The following TET2 variants were observed in gnomAD, a reference collection of about 807,000 sequenced individuals.
TET2 encodes the protein methylcytosine dioxygenase TET2.
TET2 carries 299 observed loss-of-function variants against 142.9 expected under a neutral mutation model. The ratio of observed to expected loss-of-function variants is 2.09; its 90% CI spans 1.90 to 2.30. TET2 has a LOEUF of 2.30. Among genes scored for constraint, TET2 ranks in the 30% most tolerant of loss-of-function variants. The pLI, the probability that TET2 is intolerant of heterozygous loss-of-function variation, is 0.00. For missense variants in TET2, 2,418 were observed against 2,378.0 expected (o/e 1.02, Z -0.35); for synonymous variants, 819 against 849.0 (o/e 0.96, Z 0.61).
intron 1 of TET2, among the ~76,000 whole-genome samples, chr4:105,188,962 A>AT (rs922655985): frequency 2.0e-5 from 3 of 152,000 alleles, no homozygotes; most frequent in East Asian, 1.9e-4. Flanking sequence ...GAGTGGCATA[A>AT]TTTTTTTTAA....
At chr4:105,240,741 T>C (rs1729249744) in intron 3 of TET2, 3 of 1,079,658 alleles carry the variant, frequency 2.8e-6, no homozygotes, top group Non-Finnish European at 3.4e-6. Flanking sequence ...CAACAGCCCC[T>C]TCTTTTTGCC....
chr4:105,190,754 A>G (rs1016709842), intron 2 of TET2: 6 of 411,128 alleles, frequency 1.5e-5, no homozygotes, highest in Non-Finnish European at 2.2e-5. Flanking sequence ...CTCAATGTCT[A>G]TGGAGTTTTT....
At chr4:105,218,400 T>G (rs1727618080) in intron 2 of TET2, among the ~76,000 whole-genome samples, 1 of 152,092 alleles carries the variant, frequency 6.6e-6, no homozygotes, top group Non-Finnish European at 1.5e-5. Flanking sequence ...TTATATCTAC[T>G]TCTTCCTCAT....
At chr4:105,242,957 T>G (rs1729385732) in intron 5 of TET2, 30 bp downstream of exon 5, 1 of 1,525,866 alleles carries the variant, frequency 6.6e-7, no homozygotes. Flanking sequence ...GCCTTTGGTC[T>G]TAAATCTTGG....
intron 6 of TET2, among the ~76,000 whole-genome samples, chr4:105,251,163 C>T (rs1418090216): frequency 6.6e-6 from 1 of 152,008 alleles, no homozygotes; most frequent in Non-Finnish European, 1.5e-5. Context: ...TTGCTGCATA[C>T]AAGATTATGT....
intron 2 of TET2, among the ~76,000 whole-genome samples, chr4:105,204,241 A>ACG (rs1726673704): frequency 7.1e-6 from 1 of 141,492 alleles, no homozygotes; most frequent in Admixed American, 6.8e-5. Flanking sequence ...ATATACACAC[A>ACG]CACACACACA....
In TET2 at chr4:105,235,830, A is replaced by G. The variant is rs1728840280; in HGVS notation, c.1888A>G (p.Lys630Glu). The change falls in exon 3 of 11, where the codon AAG becomes GAG. Residue 630 changes from lysine (K) to glutamate (E), a missense_variant. Transcript: ENST00000380013. The stretch of plus-strand genomic sequence containing the variant: ...CCAGAAAACAACACAGCTGGAGCAC[A>G]AGTCACAAATGTACCAAGTTGAAAT... ...YTQKTTQLEH[K>E]SQMYQVEMNQ... The G allele has an allele frequency of 6.2e-7, 1 of 1,614,066 alleles. No homozygotes were observed. Among genetic ancestry groups the G allele is most frequent in the South Asian group, 1.1e-5 (1 of 91,084 alleles).
chr4:105,224,684 GTCTCTCTCTCTCTCTCTCTCTC>G (rs34870510), intron 2 of TET2, among the ~76,000 whole-genome samples: 2 of 108,104 alleles, frequency 1.9e-5, no homozygotes, highest in Admixed American at 9.6e-5. Flanking sequence ...ATATCAGCCA[GTCTCTCTCTCTCTCTCTCTCTC>G]TCTCTCTCTC....
At chr4:105,163,366 A>T (rs557037134) in intron 1 of TET2, among the ~76,000 whole-genome samples, 1 of 152,334 alleles carries the variant, frequency 6.6e-6, no homozygotes, top group East Asian at 1.9e-4. Context: ...TTATTTTCAA[A>T]CATAGAATCA....
At chr4:105,266,211 A>C (rs1730674220) in intron 8 of TET2, among the ~76,000 whole-genome samples, 1 of 152,170 alleles carries the variant, frequency 6.6e-6, no homozygotes, top group South Asian at 2.1e-4. Context: ...AGACTTCATA[A>C]TACTATTCAT....
rs769442121 is a variant in TET2 at position 105,235,667 on chromosome 4, G to C, written c.1725G>C (p.Ala575=). 3.7e-6 allele frequency: 6 copies of C among 1,613,944 alleles called. No homozygotes were observed. Among genetic ancestry groups the C allele is most frequent in the Non-Finnish European group, 5.1e-6 (6 of 1,179,990 alleles). ...IELKAPRFHQ[A]ESHLKRNEAS... ...TGAAGGCCCCTCGTTTTCACCAAGC[G>C]GAATCCCATCTAAAACGTAATGAGG... Residue 575 remains alanine, a synonymous_variant, in exon 3 of 11, where the codon GCG becomes GCC. Coordinates refer to ENST00000380013, the MANE Select transcript of TET2 (RefSeq NM_001127208.3).
chr4:105,274,479 A>G (rs1731103284), intron 10 of TET2, among the ~76,000 whole-genome samples: 2 of 152,228 alleles, frequency 1.3e-5, no homozygotes, highest in African/African-American at 4.8e-5. Context: ...TACATAATAA[A>G]TCTTATTTTA....
At chr4:105,232,027 C>G (rs1728537687) in intron 2 of TET2, among the ~76,000 whole-genome samples, 1 of 152,186 alleles carries the variant, frequency 6.6e-6, no homozygotes. Context: ...CCTCTCCCTT[C>G]TCCCATCCTC....
chr4:105,236,469 G>T lies in TET2; in HGVS notation c.2527G>T (p.Glu843Ter), dbSNP rs1245559140. 1.2e-6 allele frequency: 2 copies of T among 1,614,072 alleles called. No individual in the cohort carries two copies. Among genetic ancestry groups the T allele is most frequent in the South Asian group, 1.1e-5 (1 of 91,076 alleles). Residue 843 changes from glutamate to a stop codon, truncating the protein, a stop_gained, in exon 3 of 11, where the codon GAG (glutamate) becomes TAG (stop). Coordinates refer to ENST00000380013, the MANE Select transcript of TET2 (RefSeq NM_001127208.3). LOFTEE classifies it high-confidence loss of function. ...SCSNNTHLVSENKEQTTHPEL... is the reference protein window; with the variant it reads ...SCSNNTHLVS ...TTCAAACAATACACACCTAGTTTCAGAGAATAAAGAACAGACTACACATCC... is the reference window on the plus strand; with the variant it reads ...TTCAAACAATACACACCTAGTTTCATAGAATAAAGAACAGACTACACATCC...
intron 2 of TET2, among the ~76,000 whole-genome samples, chr4:105,200,508 G>A (rs978927002): frequency 2.6e-5 from 4 of 152,012 alleles, no homozygotes; most frequent in African/African-American, 7.2e-5. Context: ...TGTTTTCTCT[G>A]TTGATAGTTT....
rs1247765682 is a variant in TET2, at chr4:105,277,292, C to T, written c.*773C>T. 1 of 226,300 alleles carries T rather than the reference C, an allele frequency of 4.4e-6. No individual in the cohort carries two copies. The highest frequency in any genetic ancestry group is 2.2e-5 in the African/African-American group (1 of 44,980). The allele number at this position is 226,300 out of a possible 1,614,324, so 14.0% of individuals were successfully genotyped here. On this transcript the variant is annotated 3_prime_UTR_variant, in exon 11 of 11. Transcript: ENST00000380013. ...TTTAAAATGTGGACATTTTAAAGGC[C>T]TCTGGATTTTGCTCATCCAGTGAAG... is the stretch of plus-strand genomic sequence containing the variant.
intron 2 of TET2, among the ~76,000 whole-genome samples, chr4:105,213,097 G>C (rs182160295): frequency 7.2e-5 from 11 of 152,026 alleles, no homozygotes; most frequent in African/African-American, 2.7e-4. Flanking sequence ...CTTTTTAAGT[G>C]CATAAACTAG....
intron 1 of TET2, among the ~76,000 whole-genome samples, chr4:105,155,578 T>G (rs1723525278): frequency 6.6e-6 from 1 of 152,240 alleles, no homozygotes; most frequent in Admixed American, 6.5e-5. Context: ...ATTTCTAACC[T>G]TATGTAATTC....
chr4:105,215,947 A>G (rs776062988), intron 2 of TET2, among the ~76,000 whole-genome samples: 2 of 152,142 alleles, frequency 1.3e-5, no homozygotes, highest in Non-Finnish European at 2.9e-5. Flanking sequence ...ATGTCTGACA[A>G]CTCAGAGTTC....
Sources: gnomAD v4.1 joint callset for allele counts (sites outside exome capture counted in the v4.1 genomes callset) on GRCh38, gnomAD v4.1.1 for gene constraint, MANE v1.5 for transcripts, NCBI Gene and HGNC (gene_info 2026-07-23, HGNC 2026-07-21) for gene names.